NRXN1: variants seen among roughly 807,000 people sequenced by gnomAD.
NRXN1 encodes the protein neurexin-1.
Under a neutral mutation model 150.9 loss-of-function variants are expected in NRXN1, and 39 were observed. The ratio of observed to expected loss-of-function variants is 0.26; its 90% confidence interval spans 0.20 to 0.34. The LOEUF is 0.34. Among genes scored for constraint, NRXN1 ranks in the 10% least tolerant of loss-of-function variants. The pLI, the probability that NRXN1 is intolerant of heterozygous loss-of-function variation, is 1.00. For synonymous variants in NRXN1, 924 were observed against 757.0 expected (o/e 1.22, Z -3.62); for missense variants, 1,815 against 1,949.9 (o/e 0.93, Z 1.30).
At chr2:50,819,703 T>C (rs1420347718) in intron 5 of NRXN1, among the ~76,000 whole-genome samples, 1 of 151,802 alleles carries the variant, frequency 6.6e-6, no homozygotes, top group Non-Finnish European at 1.5e-5. Context: ...TAAATCTCAA[T>C]CAAAGGAAAG....
intron 21 of NRXN1, among the ~76,000 whole-genome samples, chr2:50,004,060 G>C (rs1271186785): frequency 6.6e-6 from 1 of 152,096 alleles, no homozygotes; most frequent in African/African-American, 2.4e-5. Flanking sequence ...TTGGTGAAAG[G>C]GAGGTGAGGT....
intron 2 of NRXN1, among the ~76,000 whole-genome samples, chr2:50,970,899 T>C (rs931548602): frequency 1.3e-5 from 2 of 152,146 alleles, no homozygotes; most frequent in African/African-American, 4.8e-5. Flanking sequence ...AAATTTACTC[T>C]TGAAATTCTT....
Position 49,933,897 on chromosome 2 carries a change from T to C in NRXN1, c.4216+9807A>G, listed in dbSNP as rs1670567546. On this transcript the variant is annotated intron_variant, in intron 22 of 22. Transcript: ENST00000401669. ...AGGACATTATCTCCCCGGGAGTAGT[T>C]GTATTTGAGGACTTCCCTTTCATGA... Among the ~76,000 whole-genome samples the C allele has an allele frequency of 3.9e-5, 6 of 152,252 alleles. No homozygotes were observed. In the South Asian group the frequency reaches 1.2e-3, roughly 32 times the overall value.
intron 22 of NRXN1, 83 bp from the exon 23 acceptor site, chr2:49,922,334 T>A: frequency 7.6e-7 from 1 of 1,316,402 alleles, no homozygotes; most frequent in Non-Finnish European, 1.1e-6. Context: ...ATTTATTATC[T>A]AATTCTAACA....
At chr2:50,955,266 A>G (rs1448700271) in intron 2 of NRXN1, among the ~76,000 whole-genome samples, 2 of 152,226 alleles carry the variant, frequency 1.3e-5, no homozygotes, top group East Asian at 3.8e-4. Flanking sequence ...CAAAACTGTT[A>G]GTAAATAAAA....
At chr2:50,755,507 C>G (rs1181649328) in intron 5 of NRXN1, among the ~76,000 whole-genome samples, 6 of 151,768 alleles carry the variant, frequency 4.0e-5, no homozygotes, top group African/African-American at 1.4e-4. Context: ...AACTCACTGG[C>G]CATAAGAGCC....
At chr2:50,382,387 C>A (rs1558636812) in intron 17 of NRXN1, among the ~76,000 whole-genome samples, 1 of 152,166 alleles carries the variant, frequency 6.6e-6, no homozygotes, top group Non-Finnish European at 1.5e-5. Context: ...CATTGACAAT[C>A]TCTGATAATC....
intron 21 of NRXN1, among the ~76,000 whole-genome samples, chr2:49,953,074 G>T (rs1243815438): frequency 1.3e-5 from 2 of 152,082 alleles, no homozygotes; most frequent in Non-Finnish European, 2.9e-5. Context: ...ACATTTCTCT[G>T]CTACTGGGTA....
At chr2:50,753,170 C>T (rs1316104995) in intron 5 of NRXN1, among the ~76,000 whole-genome samples, 1 of 151,714 alleles carries the variant, frequency 6.6e-6, no homozygotes, top group Non-Finnish European at 1.5e-5. Flanking sequence ...TGTAACTTTT[C>T]TTTATTTTAC....
chr2:50,163,141 T>C (rs1434768830), intron 18 of NRXN1, among the ~76,000 whole-genome samples: 3 of 116,610 alleles, frequency 2.6e-5, no homozygotes, highest in Non-Finnish European at 5.1e-5. Context: ...TATATAACAG[T>C]TATAGATCTA....
At chr2:50,384,561 T>C (rs2081199548) in intron 17 of NRXN1, among the ~76,000 whole-genome samples, 2 of 151,228 alleles carry the variant, frequency 1.3e-5, no homozygotes, top group South Asian at 4.2e-4. Flanking sequence ...AGGTATTGTT[T>C]AGGGCCCAGT....
chr2:50,384,518 A>AT (rs1553526729), intron 17 of NRXN1, among the ~76,000 whole-genome samples: 12,496 of 111,468 alleles, frequency 0.11, 874 homozygotes, highest in Non-Finnish European at 0.14. Context: ...AAAAAAAAAA[A>AT]AAAAAAAAAA....
At chr2:51,010,213 C>G (rs1279985231) in intron 2 of NRXN1, among the ~76,000 whole-genome samples, 1 of 151,936 alleles carries the variant, frequency 6.6e-6, no homozygotes, top group East Asian at 1.9e-4. Context: ...ATAATCTGCT[C>G]TTGCACTTAT....
chr2:50,291,310 C>A (rs1395148795), intron 17 of NRXN1, among the ~76,000 whole-genome samples: 1 of 152,010 alleles, frequency 6.6e-6, no homozygotes, highest in African/African-American at 2.4e-5. Context: ...AAATGAAATA[C>A]GCATAACTAT....
intron 17 of NRXN1, among the ~76,000 whole-genome samples, chr2:50,368,444 G>A (rs2079765284): frequency 6.6e-6 from 1 of 151,930 alleles, no homozygotes; most frequent in African/African-American, 2.4e-5. Flanking sequence ...AAATGTAACA[G>A]GCAAATTTGA....
At chr2:50,989,593 C>A (rs1698239515) in intron 2 of NRXN1, among the ~76,000 whole-genome samples, 1 of 151,930 alleles carries the variant, frequency 6.6e-6, no homozygotes, top group East Asian at 1.9e-4. Flanking sequence ...TTAGTGAAAA[C>A]CATATGAGAT....
At chr2:50,946,100 A>T (rs1459189204) in intron 2 of NRXN1, among the ~76,000 whole-genome samples, 1 of 152,014 alleles carries the variant, frequency 6.6e-6, no homozygotes, top group Non-Finnish European at 1.5e-5. Context: ...AACACCTGGC[A>T]GACTTAGGAT....
chr2:50,679,524 A>G (rs542703616), intron 5 of NRXN1, among the ~76,000 whole-genome samples: 33 of 152,288 alleles, frequency 2.2e-4, no homozygotes, highest in African/African-American at 7.7e-4. Context: ...ACACTAGAGT[A>G]AAGCTCACAC....
At chr2:50,085,027 G>A (rs1264979211) in intron 19 of NRXN1, among the ~76,000 whole-genome samples, 1 of 152,194 alleles carries the variant, frequency 6.6e-6, no homozygotes, top group Non-Finnish European at 1.5e-5. Context: ...GGAAAAGTCA[G>A]AGTTTTAGAC....
Sources: gnomAD v4.1 joint callset for allele counts (sites outside exome capture counted in the v4.1 genomes callset) on GRCh38, gnomAD v4.1.1 for gene constraint, MANE v1.5 for transcripts, NCBI Gene and HGNC (gene_info 2026-07-23, HGNC 2026-07-21) for gene names.